Variants in MACROH2A1 observed in about 807,000 individuals in gnomAD.
The protein encoded by MACROH2A1 is macroH2A.1 histone, also known as core histone macro-H2A.1.
A neutral mutation model predicts 31.6 loss-of-function variants in MACROH2A1; 2 were observed. The ratio of observed to expected loss-of-function variants is 0.06; its 90% CI spans 0.03 to 0.20. The LOEUF (loss-of-function observed/expected upper bound fraction) is 0.20, where lower values mean the gene tolerates loss of function less well. Among genes scored for constraint, MACROH2A1 ranks in the 10% least tolerant of loss-of-function variants. MACROH2A1 has a pLI of 1.00. For synonymous variants in MACROH2A1, 169 were observed against 189.6 expected (o/e 0.89, Z 0.89); for missense variants, 230 against 474.0 (o/e 0.49, Z 4.78).
At chr5:135,396,505 C>T (rs1037793121) in intron 1 of MACROH2A1, among the ~76,000 whole-genome samples, 2 of 152,130 alleles carry the variant, frequency 1.3e-5, no homozygotes, top group Non-Finnish European at 2.9e-5. Flanking sequence ...CTGGCAGTTC[C>T]CCACATGACC....
At chr5:135,342,713 T>G (rs1420816684) in intron 8 of MACROH2A1, among the ~76,000 whole-genome samples, 2 of 152,180 alleles carry the variant, frequency 1.3e-5, no homozygotes. Flanking sequence ...CAGGTCCCAT[T>G]ACCTCATTAG....
intron 2 of MACROH2A1, among the ~76,000 whole-genome samples, chr5:135,381,596 C>G (rs949579038): frequency 3.9e-5 from 6 of 151,908 alleles, no homozygotes; most frequent in Non-Finnish European, 8.8e-5. Flanking sequence ...GCCTGGACAA[C>G]AGAGTGAGAT....
At chr5:135,377,810 C>T (rs1436976533) in intron 2 of MACROH2A1, among the ~76,000 whole-genome samples, 2 of 152,216 alleles carry the variant, frequency 1.3e-5, no homozygotes, top group African/African-American at 2.4e-5. Context: ...GTCACAAGCC[C>T]CCTTACCCTC....
intron 7 of MACROH2A1, 192 bp from the exon 8 acceptor site, chr5:135,343,626 A>G: frequency 1.2e-6 from 1 of 855,418 alleles, no homozygotes; most frequent in Non-Finnish European, 1.7e-6. Flanking sequence ...CACCCTTGGA[A>G]AGTTGGCATT....
chr5:135,392,944 C>T (rs909313541), intron 1 of MACROH2A1, among the ~76,000 whole-genome samples: 2 of 152,206 alleles, frequency 1.3e-5, no homozygotes, highest in Non-Finnish European at 2.9e-5. Flanking sequence ...TACTCACTCA[C>T]TGGGCAAGTT....
intron 1 of MACROH2A1, among the ~76,000 whole-genome samples, chr5:135,390,848 G>A (rs528022289): frequency 6.6e-6 from 1 of 152,208 alleles, no homozygotes; most frequent in East Asian, 1.9e-4. Flanking sequence ...CACAGAGATG[G>A]CTGTGAGGAC....
chr5:135,347,461 A>AT (rs1277579537), intron 6 of MACROH2A1: 2 of 152,138 alleles, frequency 1.3e-5, no homozygotes, highest in Non-Finnish European at 2.9e-5. Context: ...TTGAGGTGGG[A>AT]TTTTGTGTTA....
intron 1 of MACROH2A1, among the ~76,000 whole-genome samples, chr5:135,395,883 A>G (rs1193953260): frequency 6.6e-6 from 1 of 152,258 alleles, no homozygotes; most frequent in Non-Finnish European, 1.5e-5. Context: ...AACAGAAGAG[A>G]CAGACCAACT....
chr5:135,338,430 C>T (rs940193374), intron 8 of MACROH2A1, among the ~76,000 whole-genome samples: 2 of 152,212 alleles, frequency 1.3e-5, no homozygotes, highest in African/African-American at 4.8e-5. Flanking sequence ...AAGTAGGTGG[C>T]TTTGAAGGGT....
chr5:135,368,209 G>T (rs185544790), intron 4 of MACROH2A1, among the ~76,000 whole-genome samples: 39 of 152,380 alleles, frequency 2.6e-4, no homozygotes, highest in African/African-American at 8.9e-4. Context: ...GATGCAAGAA[G>T]GTTGGGGTTC....
rs376299037 is a variant in MACROH2A1 at position 135,359,098 on chromosome 5, G to C, written c.588+1399C>G. The stretch of plus-strand genomic sequence containing the variant: ...CTTTGGAAATATTTTAGTTCATCCA[G>C]CAAGGGAGGTATGAGGAATTCTGAT... On this transcript the variant is annotated intron_variant, in intron 5 of 8. Transcript: ENST00000511689. The C allele has an allele frequency of 3.2e-5, 32 of 985,346 alleles. 2 individuals carry two copies. The African/African-American group carries it at 5.6e-4, about 17-fold the overall frequency. 61.0% of individuals were successfully genotyped at this position (985,346 alleles called of 1,614,324 possible).
chr5:135,348,132 C>T (rs774756637), intron 6 of MACROH2A1, among the ~76,000 whole-genome samples: 13 of 152,162 alleles, frequency 8.5e-5, no homozygotes, highest in Non-Finnish European at 1.8e-4. Flanking sequence ...AGATTGCAGG[C>T]AATCAACCCA....
intron 1 of MACROH2A1, among the ~76,000 whole-genome samples, chr5:135,392,969 A>G (rs527413959): frequency 1.3e-4 from 20 of 152,350 alleles, no homozygotes; most frequent in Admixed American, 5.2e-4. Context: ...GTAGTTAACA[A>G]AAACAATAAT....
chr5:135,358,503 G>A (rs1762445075), intron 5 of MACROH2A1: 4 of 985,140 alleles, frequency 4.1e-6, no homozygotes, highest in Non-Finnish European at 3.6e-6. Context: ...CCACTAAAAA[G>A]GGGGTGATAT....
intron 2 of MACROH2A1, among the ~76,000 whole-genome samples, chr5:135,377,753 C>A (rs1435603465): frequency 6.6e-6 from 1 of 152,234 alleles, no homozygotes; most frequent in Admixed American, 6.5e-5. Context: ...TGAGAAGCTG[C>A]AGGCACTTCT....
At chr5:135,359,699 A>G (rs1466639438) in intron 5 of MACROH2A1, 3 of 980,580 alleles carry the variant, frequency 3.1e-6, no homozygotes, top group Non-Finnish European at 2.4e-6. Flanking sequence ...TTGTTACCAC[A>G]CTCAAACTAA....
chr5:135,346,336 G>C, intron 6 of MACROH2A1: 3 of 423,376 alleles, frequency 7.1e-6, no homozygotes, highest in Non-Finnish European at 1.3e-5. Context: ...ATGTGAAAGA[G>C]ACAGGACATG....
chr5:135,337,878 T>A (rs1171422385), intron 8 of MACROH2A1: 2 of 969,474 alleles, frequency 2.1e-6, no homozygotes, highest in Admixed American at 9.8e-5. Context: ...AACATGAATC[T>A]GGATTTGTTT....
intron 2 of MACROH2A1, among the ~76,000 whole-genome samples, chr5:135,387,663 G>C (rs1395321393): frequency 6.6e-6 from 1 of 152,150 alleles, no homozygotes; most frequent in African/African-American, 2.4e-5. Context: ...ACCCCTTGCA[G>C]GCTGTATATA....
Sources: allele counts gnomAD v4.1 joint callset (sites outside exome capture counted in the v4.1 genomes callset), GRCh38; gene constraint gnomAD v4.1.1; transcripts MANE v1.5; gene names NCBI Gene and HGNC (gene_info 2026-07-23, HGNC 2026-07-21).